The following SNAP91 variants were observed in gnomAD, a reference collection of about 807,000 sequenced individuals.
SNAP91 encodes the protein synaptosome associated protein 91.
In SNAP91, 27 loss-of-function variants were observed where a neutral mutation model predicts 100.3. The observed-to-expected ratio is 0.27, with a 90% CI of 0.20 to 0.37. The LOEUF is 0.37. SNAP91 is among the 10% of genes least tolerant of loss of function. The pLI is 1.00. For synonymous variants in SNAP91, 404 were observed against 398.6 expected (o/e 1.01, Z -0.16); for missense variants, 986 against 1,123.7 (o/e 0.88, Z 1.75).
chr6:83,631,334 T>C (rs112049495), intron 8 of SNAP91, among the ~76,000 whole-genome samples: 3,607 of 152,264 alleles, frequency 0.024, 55 homozygotes, highest in East Asian at 0.059. Context: ...GGATGGAATG[T>C]TCTATATACA....
intron 26 of SNAP91, among the ~76,000 whole-genome samples, chr6:83,574,087 C>T (rs6934731): frequency 0.017 from 2,525 of 151,962 alleles, 67 homozygotes; most frequent in African/African-American, 0.058. Flanking sequence ...GTTTGGCTGG[C>T]GGTGATGAAT....
chr6:83,576,754 C>T (rs919973411), intron 24 of SNAP91, among the ~76,000 whole-genome samples: 2 of 152,314 alleles, frequency 1.3e-5, no homozygotes, highest in East Asian at 3.9e-4. Context: ...GCTGTGAGTA[C>T]AACGATGTGC....
chr6:83,689,666 A>G lies in SNAP91; in HGVS notation c.130+18132T>C, dbSNP rs2099106367. The G allele has an allele frequency of 2.6e-5, 4 of 152,148 alleles. No homozygotes were observed. The South Asian group carries it at 6.2e-4, about 24-fold the overall frequency. The allele number at this position is 152,148 out of a possible 1,614,324, so 9.4% of individuals were successfully genotyped here. ...ATAATCTAAGTACAAAAATCAAAAG[A>G]GAAGACAGTAAAGAAAAGAATGAGG... On this transcript the variant is annotated intron_variant, in intron 2 of 29. Coordinates refer to ENST00000369694, the MANE Select transcript of SNAP91 (RefSeq NM_001242792.2).
chr6:83,568,647 C>G (rs947922867), intron 26 of SNAP91, among the ~76,000 whole-genome samples: 1 of 152,064 alleles, frequency 6.6e-6, no homozygotes, highest in African/African-American at 2.4e-5. Flanking sequence ...TTAGATCTAA[C>G]TTGGGTTCTG....
At chr6:83,667,025 T>G (rs1012771271) in intron 2 of SNAP91, among the ~76,000 whole-genome samples, 2 of 152,116 alleles carry the variant, frequency 1.3e-5, no homozygotes, top group African/African-American at 4.8e-5. Context: ...TTGAGCAAAA[T>G]GTATAAAAGA....
intron 8 of SNAP91, among the ~76,000 whole-genome samples, chr6:83,629,955 T>C (rs2097140116): frequency 6.6e-6 from 1 of 152,102 alleles, no homozygotes; most frequent in Non-Finnish European, 1.5e-5. Context: ...GCTATCAACT[T>C]TTCCCCATTC....
chr6:83,660,134 T>C (rs72903589), intron 5 of SNAP91, among the ~76,000 whole-genome samples: 2,453 of 152,276 alleles, frequency 0.016, 25 homozygotes, highest in Non-Finnish European at 0.027. Flanking sequence ...CAACCTGAAG[T>C]GTCCATATGT....
intron 2 of SNAP91, among the ~76,000 whole-genome samples, chr6:83,701,456 T>C (rs2099308281): frequency 6.6e-6 from 1 of 151,986 alleles, no homozygotes. Context: ...TCTTTTTTTT[T>C]TTTTTTGAGA....
At chr6:83,642,748 C>A (rs2097762853) in intron 7 of SNAP91, among the ~76,000 whole-genome samples, 2 of 152,110 alleles carry the variant, frequency 1.3e-5, no homozygotes, top group African/African-American at 2.4e-5. Context: ...AGTTCTAGAT[C>A]CCTGAGGAAT....
chr6:83,646,502 G>T (rs1409150683), intron 7 of SNAP91, among the ~76,000 whole-genome samples: 1 of 152,134 alleles, frequency 6.6e-6, no homozygotes, highest in Non-Finnish European at 1.5e-5. Context: ...CTTTATTATA[G>T]ATCAGGTTAT....
chr6:83,556,342 GGA>G (rs1184252930), intron 28 of SNAP91, 97 bp from the exon 29 acceptor site: 1,598 of 19,654 alleles, frequency 0.081, 28 homozygotes, highest in Non-Finnish European at 0.11. Context: ...AGGGAGAGGG[GGA>G]GAGAGAGAGA....
intron 21 of SNAP91, 94 bp from the exon 22 acceptor site, chr6:83,591,388 A>G: frequency 1.2e-6 from 1 of 810,162 alleles, no homozygotes; most frequent in Non-Finnish European, 2.2e-6. Flanking sequence ...ATGCAGAGAC[A>G]TGACAGTGTA....
intron 20 of SNAP91, among the ~76,000 whole-genome samples, 192 bp from the exon 21 acceptor site, chr6:83,592,730 T>C (rs947567340): frequency 6.6e-5 from 10 of 152,332 alleles, no homozygotes; most frequent in African/African-American, 2.4e-4. Flanking sequence ...ATTGACTCCT[T>C]GAGGTCAGAG....
chr6:83,694,424 G>A (rs2099168697), intron 2 of SNAP91, among the ~76,000 whole-genome samples: 1 of 152,188 alleles, frequency 6.6e-6, no homozygotes, highest in Non-Finnish European at 1.5e-5. Flanking sequence ...CATGATACGA[G>A]CAAAAAATTA....
chr6:83,576,434 C>A (rs555174738), intron 24 of SNAP91, among the ~76,000 whole-genome samples: 23 of 152,300 alleles, frequency 1.5e-4, no homozygotes, highest in Admixed American at 1.5e-3. Context: ...TATTTGTACA[C>A]ATGATATGGT....
intron 21 of SNAP91, 51 bp from the exon 22 acceptor site, chr6:83,591,345 G>A (rs1423994535): frequency 3.4e-6 from 4 of 1,167,770 alleles, no homozygotes; most frequent in Admixed American, 3.4e-5. Flanking sequence ...TAAAAAGTAA[G>A]TACAGTAAGT....
chr6:83,609,258 G>GA (rs974575536), intron 12 of SNAP91, among the ~76,000 whole-genome samples: 69 of 144,436 alleles, frequency 4.8e-4, no homozygotes, highest in African/African-American at 1.4e-3. Context: ...GGCCGAAAAA[G>GA]AAAAAAAAAA....
At chr6:83,555,081 C>T (rs1775839114) in intron 29 of SNAP91, among the ~76,000 whole-genome samples, 1 of 152,162 alleles carries the variant, frequency 6.6e-6, no homozygotes, top group Non-Finnish European at 1.5e-5. Flanking sequence ...TCCTTGGTCA[C>T]TCCTGAAACT....
intron 8 of SNAP91, among the ~76,000 whole-genome samples, chr6:83,636,914 G>A (rs934933231): frequency 5.9e-5 from 9 of 152,196 alleles, no homozygotes; most frequent in Middle Eastern, 3.4e-3. Flanking sequence ...GTTTCTGAGC[G>A]CTTTCAGAGG....
Sources: gnomAD v4.1 joint callset for allele counts (sites outside exome capture counted in the v4.1 genomes callset) on GRCh38, gnomAD v4.1.1 for gene constraint, MANE v1.5 for transcripts, NCBI Gene and HGNC (gene_info 2026-07-23, HGNC 2026-07-21) for gene names.